Variants in DNM3 observed in about 807,000 individuals in gnomAD.
DNM3 encodes dynamin 3, also known as dynamin-3.
Under a neutral mutation model 101.6 loss-of-function variants are expected in DNM3, and 47 were observed. The ratio of observed to expected loss-of-function variants is 0.46; its 90% CI spans 0.37 to 0.59. The LOEUF is 0.59. Among genes scored for constraint, DNM3 ranks in the 20% least tolerant of loss-of-function variants. The pLI is 0.00. For missense variants in DNM3, 849 were observed against 1,085.7 expected (o/e 0.78, Z 3.06); for synonymous variants, 385 against 387.9 (o/e 0.99, Z 0.09).
intron 1 of DNM3, among the ~76,000 whole-genome samples, chr1:171,912,602 G>A (rs955622908): frequency 2.0e-5 from 3 of 152,182 alleles, no homozygotes; most frequent in Admixed American, 2.0e-4. Context: ...CTGACAGGGA[G>A]ACAAAAGAAG....
rs753857905 is a variant in DNM3 at position 172,044,384 on chromosome 1, G to A, written c.1129-1G>A. On this transcript the variant is annotated splice_acceptor_variant, in intron 8 of 20. Transcript: ENST00000627582. LOFTEE classifies it high-confidence loss of function. ...AACTATGGCTCATTTTGCATCTGCA[G>A]ATGGAGTTCAATGAGAAAGAATTGC... 1 of 1,606,200 alleles carries A rather than the reference G, an allele frequency of 6.2e-7. No homozygotes were observed.
chr1:171,858,576 G>C (rs2033852725), intron 1 of DNM3, among the ~76,000 whole-genome samples: 1 of 152,114 alleles, frequency 6.6e-6, no homozygotes, highest in Non-Finnish European at 1.5e-5. Context: ...TTTACCTGAG[G>C]AACTTATGAA....
intron 2 of DNM3, among the ~76,000 whole-genome samples, chr1:171,924,537 A>G (rs942668371): frequency 6.6e-6 from 1 of 152,212 alleles, no homozygotes; most frequent in Non-Finnish European, 1.5e-5. Context: ...ACAAGGTGGC[A>G]GGAAGGAGAA....
At chr1:172,215,846 T>G (rs890410602) in intron 14 of DNM3, among the ~76,000 whole-genome samples, 1 of 151,928 alleles carries the variant, frequency 6.6e-6, no homozygotes, top group Non-Finnish European at 1.5e-5. Flanking sequence ...TGAGGCTTAA[T>G]TCTAATTTTA....
intron 1 of DNM3, among the ~76,000 whole-genome samples, chr1:171,869,364 G>C (rs1267449729): frequency 1.3e-5 from 2 of 152,100 alleles, no homozygotes; most frequent in Non-Finnish European, 2.9e-5. Context: ...ATAGGATCTT[G>C]GAAGAGTTCA....
intron 2 of DNM3, among the ~76,000 whole-genome samples, chr1:171,947,561 AT>A (rs2042247488): frequency 6.6e-6 from 1 of 152,232 alleles, no homozygotes; most frequent in Admixed American, 6.5e-5. Flanking sequence ...TCAAGAGCTT[AT>A]TAAGAATAAT....
chr1:171,930,215 A>G (rs998662630), intron 2 of DNM3, among the ~76,000 whole-genome samples: 7 of 152,108 alleles, frequency 4.6e-5, no homozygotes, highest in Admixed American at 3.9e-4. Flanking sequence ...AGTCACCCCA[A>G]CAGCAAAGAT....
In DNM3 at chr1:172,314,716, A is replaced by G. The variant is rs571352284; in HGVS notation, c.1881+5877A>G. The stretch of plus-strand genomic sequence containing the variant: ...CGCCCGCCATTGCCCAGGCTTGCTT[A>G]GGTAAACAAAGCAGCCGGGAAGCTC... On this transcript the variant is annotated intron_variant, in intron 16 of 20. Coordinates refer to ENST00000627582, the MANE Select transcript of DNM3 (RefSeq NM_015569.5). Among the ~76,000 whole-genome samples the G allele has an allele frequency of 6.7e-3, 1,017 of 152,358 alleles. 9 individuals are homozygous for G. Among genetic ancestry groups the G allele is most frequent in the African/African-American group, 0.023 (965 of 41,586 alleles).
intron 20 of DNM3, among the ~76,000 whole-genome samples, chr1:172,407,021 G>A (rs913727956): frequency 1.3e-5 from 2 of 151,878 alleles, no homozygotes; most frequent in Non-Finnish European, 2.9e-5. Context: ...GAATAAATAA[G>A]TAATAAATAA....
chr1:172,165,311 A>G (rs2058706110), intron 14 of DNM3, among the ~76,000 whole-genome samples: 3 of 142,998 alleles, frequency 2.1e-5, no homozygotes, highest in African/African-American at 6.1e-5. Context: ...CTTTCAGGGG[A>G]AAAAAAGGTG....
At chr1:172,000,705 T>C (rs1429432553) in intron 4 of DNM3, among the ~76,000 whole-genome samples, 1 of 152,066 alleles carries the variant, frequency 6.6e-6, no homozygotes, top group Non-Finnish European at 1.5e-5. Flanking sequence ...AACTGACCAT[T>C]GGATCTGGCA....
chr1:171,953,280 A>T (rs987365509), intron 2 of DNM3, among the ~76,000 whole-genome samples: 1 of 152,190 alleles, frequency 6.6e-6, no homozygotes, highest in Non-Finnish European at 1.5e-5. Flanking sequence ...ATTAAATGCC[A>T]TATGCACACC....
In DNM3 at chr1:172,412,323, T is replaced by C. The variant is rs2071255325; in HGVS notation, c.*4482T>C. ...AACCACTTGCCTTGTCTGCTACCAG[T>C]TTGTTAAAAATTATTCCCCCCAACC... On this transcript the variant is annotated 3_prime_UTR_variant, in exon 21 of 21. Coordinates refer to ENST00000627582, the MANE Select transcript of DNM3 (RefSeq NM_015569.5). 2.0e-6 allele frequency: 2 copies of C among 985,430 alleles called. No individual in the cohort carries two copies. The highest frequency in any genetic ancestry group is 1.2e-4 in the Admixed American group (2 of 16,262). 61.0% of individuals were successfully genotyped at this position (985,430 alleles called of 1,614,324 possible).
intron 13 of DNM3, among the ~76,000 whole-genome samples, chr1:172,099,170 C>A (rs891124444): frequency 6.6e-6 from 1 of 152,168 alleles, no homozygotes; most frequent in Non-Finnish European, 1.5e-5. Context: ...ACATGAGTAG[C>A]TTTAATTGAT....
chr1:172,138,691 C>T (rs1248393409), intron 14 of DNM3: 1 of 267,890 alleles, frequency 3.7e-6, no homozygotes, highest in African/African-American at 2.3e-5. Flanking sequence ...AAGTATTAAA[C>T]CAACAGATTA....
chr1:172,194,586 G>A (rs1001046826), intron 14 of DNM3, among the ~76,000 whole-genome samples: 2 of 152,116 alleles, frequency 1.3e-5, no homozygotes, highest in Non-Finnish European at 2.9e-5. Context: ...AGCTCTTCTT[G>A]TTGAATTGAT....
chr1:172,019,475 T>C (rs987913020), intron 4 of DNM3, among the ~76,000 whole-genome samples: 2 of 152,008 alleles, frequency 1.3e-5, no homozygotes, highest in Non-Finnish European at 2.9e-5. Context: ...GGGGGGCATT[T>C]ATCCCACTTG....
At chr1:172,258,440 A>G (rs2062508985) in intron 15 of DNM3, among the ~76,000 whole-genome samples, 1 of 151,892 alleles carries the variant, frequency 6.6e-6, no homozygotes, top group Non-Finnish European at 1.5e-5. Flanking sequence ...ATTAAATCTC[A>G]TTACTCATTA....
intron 14 of DNM3, among the ~76,000 whole-genome samples, chr1:172,151,205 CA>C (rs1312170338): frequency 3.3e-5 from 5 of 152,124 alleles, no homozygotes; most frequent in African/African-American, 9.7e-5. Context: ...AGCGCATGTG[CA>C]GTGTTTTTTT....
Sources: gnomAD v4.1 joint callset for allele counts (sites outside exome capture counted in the v4.1 genomes callset) on GRCh38, gnomAD v4.1.1 for gene constraint, MANE v1.5 for transcripts, NCBI Gene and HGNC (gene_info 2026-07-23, HGNC 2026-07-21) for gene names.